The following NECAB1 variants were observed in gnomAD, a reference collection of about 807,000 sequenced individuals.
NECAB1 encodes N-terminal EF-hand calcium binding protein 1.
NECAB1 carries 29 observed loss-of-function variants against 57.5 expected under a neutral mutation model. The ratio of observed to expected loss-of-function variants is 0.50; its 90% CI spans 0.38 to 0.69. NECAB1 has a LOEUF of 0.69. Ranked by LOEUF, NECAB1 falls within the 30% of genes least tolerant of loss-of-function variation. The pLI, the probability that NECAB1 is intolerant of heterozygous loss-of-function variation, is 0.00. For synonymous variants in NECAB1, 142 were observed against 147.7 expected (o/e 0.96, Z 0.28); for missense variants, 372 against 413.8 (o/e 0.90, Z 0.88).
chr8:90,910,345 T>C (rs1191506101), intron 5 of NECAB1, among the ~76,000 whole-genome samples: 1 of 152,176 alleles, frequency 6.6e-6, no homozygotes, highest in African/African-American at 2.4e-5. Context: ...TTTCTTATTA[T>C]AACCTTGCAT....
At chr8:90,874,607 A>T (rs868301290) in intron 4 of NECAB1, among the ~76,000 whole-genome samples, 1 of 152,182 alleles carries the variant, frequency 6.6e-6, no homozygotes, top group Non-Finnish European at 1.5e-5. Context: ...TCCAACAGTG[A>T]GATTATACTA....
At chr8:90,849,152 C>T (rs1158171769) in intron 3 of NECAB1, among the ~76,000 whole-genome samples, 1 of 152,098 alleles carries the variant, frequency 6.6e-6, no homozygotes, top group Non-Finnish European at 1.5e-5. Context: ...TTTAGTGCAT[C>T]CAGTAAGGAG....
In NECAB1 at chr8:90,918,382, T is replaced by C. The variant is rs112875245; in HGVS notation, c.494+754T>C. Among the ~76,000 whole-genome samples the C allele has an allele frequency of 9.5e-3, 1,445 of 152,000 alleles. 24 individuals are homozygous for C. The highest frequency in any genetic ancestry group is 0.033 in the African/African-American group (1,358 of 41,456). On this transcript the variant is annotated intron_variant, in intron 6 of 12. Coordinates refer to ENST00000417640, the MANE Select transcript of NECAB1 (RefSeq NM_022351.5). ...TAAAGTATTATGAATAATATAAAGA[T>C]ACATTTAACATAATGTCAATCCTTA...
intron 12 of NECAB1, among the ~76,000 whole-genome samples, chr8:90,953,834 G>A (rs113378741): frequency 3.5e-4 from 53 of 152,142 alleles, no homozygotes; most frequent in Non-Finnish European, 6.9e-4. Context: ...TTTGGGAGGC[G>A]AAGGTGGGCA....
At chr8:90,816,257 C>A (rs1187446327) in intron 2 of NECAB1, among the ~76,000 whole-genome samples, 1 of 151,680 alleles carries the variant, frequency 6.6e-6, no homozygotes, top group East Asian at 1.9e-4. Flanking sequence ...GATATAAGTC[C>A]TTATTCAGAT....
At chr8:90,910,242 AT>A (rs771112684) in intron 5 of NECAB1, among the ~76,000 whole-genome samples, 21 of 151,946 alleles carry the variant, frequency 1.4e-4, no homozygotes, top group Non-Finnish European at 2.6e-4. Flanking sequence ...TTATTTTTAA[AT>A]ACTTGGTTGC....
At chr8:90,794,601 G>T (rs567310534) in intron 1 of NECAB1, among the ~76,000 whole-genome samples, 5 of 152,276 alleles carry the variant, frequency 3.3e-5, no homozygotes, top group Admixed American at 6.5e-5. Context: ...ACTAGAGACA[G>T]ATTTTAACAA....
chr8:90,791,842 G>GTCCGCCTAGCCCCGC lies in NECAB1; in HGVS notation c.-37_-23dup. On this transcript the variant is annotated 5_prime_UTR_variant, in exon 1 of 13. Coordinates refer to ENST00000417640, the MANE Select transcript of NECAB1 (RefSeq NM_022351.5). ...GCCGCGCCCTTGCCAGAGCCGGTGC[G>GTCCGCCTAGCCCCGC]TCCGCCTAGCCCCGCTCCGCCTGAG... The GTCCGCCTAGCCCCGC allele has an allele frequency of 6.7e-7, 1 of 1,485,998 alleles. No individual in the cohort carries two copies. The highest frequency in any genetic ancestry group is 1.2e-5 in the South Asian group (1 of 82,352). The allele number at this position is 1,485,998 out of a possible 1,614,324, so 92.1% of individuals were successfully genotyped here.
chr8:90,828,362 C>T (rs1032166995), intron 3 of NECAB1, among the ~76,000 whole-genome samples: 1 of 152,012 alleles, frequency 6.6e-6, no homozygotes, highest in African/African-American at 2.4e-5. Flanking sequence ...ACCAAACTAC[C>T]TGTATCAACC....
chr8:90,896,389 G>C (rs1809333154), intron 5 of NECAB1, among the ~76,000 whole-genome samples: 1 of 152,150 alleles, frequency 6.6e-6, no homozygotes, highest in South Asian at 2.1e-4. Context: ...CGGATCACAA[G>C]GTCAGGAGAT....
At chr8:90,895,533 A>G (rs1292821779) in intron 5 of NECAB1, among the ~76,000 whole-genome samples, 11 of 152,252 alleles carry the variant, frequency 7.2e-5, no homozygotes, top group African/African-American at 2.4e-4. Flanking sequence ...ATCAAAAGGA[A>G]TATAATAGGA....
intron 2 of NECAB1, among the ~76,000 whole-genome samples, chr8:90,821,434 T>C (rs1248231702): frequency 2.6e-5 from 4 of 151,886 alleles, no homozygotes. Flanking sequence ...CATATCTAAC[T>C]CTGACTCTTC....
intron 3 of NECAB1, among the ~76,000 whole-genome samples, chr8:90,854,474 C>T (rs1465245563): frequency 3.3e-5 from 5 of 152,126 alleles, no homozygotes; most frequent in Admixed American, 6.6e-5. Flanking sequence ...TAATTAATAA[C>T]GTAGATGACC....
intron 12 of NECAB1, among the ~76,000 whole-genome samples, chr8:90,953,142 T>C (rs757808469): frequency 7.9e-5 from 12 of 152,190 alleles, no homozygotes; most frequent in African/African-American, 1.2e-4. Flanking sequence ...CTTGTTCTTA[T>C]TAGTGTCTTG....
At position 90,864,705 on chromosome 8, in the gene NECAB1, C is replaced by A. The variant is rs138474488; in HGVS notation, c.234-7423C>A. Among the ~76,000 whole-genome samples the A allele has an allele frequency of 9.2e-5, 14 of 152,236 alleles. No homozygotes were observed. In the East Asian group the frequency reaches 2.7e-3, roughly 29 times the overall value. ...TCCTTCTCCTACCCCTCTCTCCCAT[C>A]ATTTCTCTGTCAGGATTGTCCTATA... On this transcript the variant is annotated intron_variant, in intron 3 of 12. Transcript: ENST00000417640.
At chr8:90,946,935 T>C (rs1417218319) in intron 10 of NECAB1, among the ~76,000 whole-genome samples, 1 of 152,128 alleles carries the variant, frequency 6.6e-6, no homozygotes, top group Non-Finnish European at 1.5e-5. Flanking sequence ...GGCAGAGTCA[T>C]GTTAGTAAGA....
At chr8:90,827,436 T>C (rs1183922616) in intron 3 of NECAB1, among the ~76,000 whole-genome samples, 3 of 151,972 alleles carry the variant, frequency 2.0e-5, no homozygotes, top group African/African-American at 4.8e-5. Flanking sequence ...ATGTCTGGAG[T>C]TGTGACTTCA....
chr8:90,863,434 GTTCTT>G (rs1021898093), intron 3 of NECAB1, among the ~76,000 whole-genome samples: 3 of 152,012 alleles, frequency 2.0e-5, no homozygotes, highest in Admixed American at 2.0e-4. Context: ...ATTTCTCTGA[GTTCTT>G]TTCAATTTTT....
intron 10 of NECAB1, among the ~76,000 whole-genome samples, chr8:90,941,595 G>C (rs1014310254): frequency 1.3e-5 from 2 of 152,156 alleles, no homozygotes; most frequent in Admixed American, 1.3e-4. Context: ...ACTCTCTAAT[G>C]AGTATCTTAT....
Sources: allele counts gnomAD v4.1 joint callset (sites outside exome capture counted in the v4.1 genomes callset), GRCh38; gene constraint gnomAD v4.1.1; transcripts MANE v1.5; gene names NCBI Gene and HGNC (gene_info 2026-07-23, HGNC 2026-07-21).